Variants in TSEN54 observed in about 807,000 individuals in gnomAD.
TSEN54 encodes tRNA-splicing endonuclease subunit Sen54.
In TSEN54, 55 loss-of-function variants were observed where a neutral mutation model predicts 61.9. The observed-to-expected ratio is 0.89, with a 90% CI of 0.72 to 1.11. The LOEUF is 1.11. Among genes scored for constraint, TSEN54 ranks in the 50% most tolerant of loss-of-function variants. The probability of loss-of-function intolerance (pLI) is 0.00; values close to 1 mark genes in which losing one functional copy is unlikely to be tolerated. For synonymous variants in TSEN54, 304 were observed against 288.7 expected (o/e 1.05, Z -0.54); for missense variants, 760 against 687.7 (o/e 1.11, Z -1.18).
At position 75,521,391 on chromosome 17, in the gene TSEN54, G is replaced by A. The variant is rs747473621; in HGVS notation, c.522-18G>A. 14 of 1,610,630 alleles carry A rather than the reference G, an allele frequency of 8.7e-6. No homozygotes were observed. In the South Asian group the frequency reaches 9.9e-5, roughly 11 times the overall value. ...GAGGAGGTGGGTCAGTGGCCCACCC[G>A]CTGTTCTCACCCCACAGCTCTGTCC... is the stretch of plus-strand genomic sequence containing the variant. On this transcript the variant is annotated intron_variant, in intron 6 of 10. Coordinates refer to ENST00000333213, the MANE Select transcript of TSEN54 (RefSeq NM_207346.3).
rs1465349435 is a variant in TSEN54, at chr17:75,516,749, C to T, written c.60C>T (p.Ala20=). 6.4e-7 allele frequency: 1 copy of T among 1,570,864 alleles called. No individual in the cohort carries two copies. Among genetic ancestry groups the T allele is most frequent in the Non-Finnish European group, 8.6e-7 (1 of 1,167,214 alleles). ...VEVPAGRVLS[A]RELFAARSRS... ...CCCGCGTCCCCTTCTCCCCCAGCGC[C>T]CGGGAGCTCTTCGCCGCCCGCTCGC... Residue 20 remains alanine (A), a synonymous_variant, in exon 2 of 11, where the codon GCC becomes GCT. Coordinates refer to ENST00000333213, the MANE Select transcript of TSEN54 (RefSeq NM_207346.3).
At chr17:75,521,046 A>T (rs1049733885) in intron 6 of TSEN54, among the ~76,000 whole-genome samples, 1 of 152,276 alleles carries the variant, frequency 6.6e-6, no homozygotes, top group African/African-American at 2.4e-5. Context: ...ATTGAGTGAA[A>T]AAAAAGATCA....
chr17:75,519,176 G>A, intron 6 of TSEN54, 129 bp downstream of exon 6: 1 of 1,053,164 alleles, frequency 9.5e-7, no homozygotes, highest in Non-Finnish European at 1.5e-6. Flanking sequence ...GCACAGACTG[G>A]GGGCGCCTGC....
chr17:75,523,692 T>A lies in TSEN54; in HGVS notation c.1343T>A (p.Ile448Asn), dbSNP rs1448439456. 10 of 1,614,050 alleles carry A rather than the reference T, an allele frequency of 6.2e-6. No homozygotes were observed. Among genetic ancestry groups the A allele is most frequent in the Admixed American group, 3.3e-5 (2 of 59,998 alleles). ...RLLEKSGGLEIIFDVYQADAV... is the reference protein window; with the variant it reads ...RLLEKSGGLENIFDVYQADAV... ...TTGGAGAAGTCTGGGGGCTTGGAAA[T>A]CATCTTTGATGTTTACCAGGCCGAC... The change falls in exon 10 of 11, where the codon ATC becomes AAC. Residue 448 changes from isoleucine (I) to asparagine (N), a missense_variant. Transcript: ENST00000333213.
chr17:75,524,450 G>C lies in TSEN54; in HGVS notation c.*38G>C, dbSNP rs1315173914. ...GCAGAGGATGGAGCTTGCTCCGGGG[G>C]ACCGGGACTGTCTGTTCTCAGGGAC... On this transcript the variant is annotated 3_prime_UTR_variant, in exon 11 of 11. Coordinates refer to ENST00000333213, the MANE Select transcript of TSEN54 (RefSeq NM_207346.3). The C allele has an allele frequency of 1.9e-6, 3 of 1,612,854 alleles. No homozygotes were observed. Among genetic ancestry groups the C allele is most frequent in the Non-Finnish European group, 2.5e-6 (3 of 1,179,884 alleles).
At chr17:75,517,099 ACCGCC>A (rs1568000920) in intron 3 of TSEN54, 27 bp downstream of exon 3, 7 of 1,573,984 alleles carry the variant, frequency 4.4e-6, no homozygotes, top group Non-Finnish European at 6.0e-6. Context: ...GGGACCGGGG[ACCGCC>A]CTCCCTGCCC....
In TSEN54 at chr17:75,524,445, C is replaced by G. The variant is rs1128126; in HGVS notation, c.*33C>G. On this transcript the variant is annotated 3_prime_UTR_variant, in exon 11 of 11. Coordinates refer to ENST00000333213, the MANE Select transcript of TSEN54 (RefSeq NM_207346.3). ...GCTCTGCAGAGGATGGAGCTTGCTC[C>G]GGGGGACCGGGACTGTCTGTTCTCA... 6.2e-7 allele frequency: 1 copy of G among 1,613,278 alleles called. No homozygotes were observed. The highest frequency in any genetic ancestry group is 8.5e-7 in the Non-Finnish European group (1 of 1,179,912).
Position 75,516,807 on chromosome 17 carries a change from C to T in TSEN54, c.118C>T (p.Pro40Ser), listed in dbSNP as rs1041129965. The T allele has an allele frequency of 5.6e-6, 9 of 1,593,550 alleles. No individual in the cohort carries two copies. The African/African-American group carries it at 8.0e-5, about 14-fold the overall frequency. ...SQKLPQRSHG[P>S]KDFLPDGSAA... ...GAAGCTGCCCCAGCGCTCGCATGGC[C>T]CCAAGGACTTTCTGCCCGACGGCTC... Residue 40 changes from proline to serine, a missense_variant, in exon 2 of 11, where the codon CCC becomes TCC. Pro to Ser is a moderately conservative substitution (Grantham distance 74). Transcript: ENST00000333213.
chr17:75,517,028 G>T lies in TSEN54; in HGVS notation c.241G>T (p.Glu81Ter). 6.3e-7 allele frequency: 1 copy of T among 1,592,880 alleles called. No individual in the cohort carries two copies. Among genetic ancestry groups the T allele is most frequent in the East Asian group, 2.3e-5 (1 of 43,928 alleles). The change falls in exon 3 of 11, where the codon GAG becomes TAG. Residue 81 changes from glutamate (E) to a stop codon, truncating the protein, a stop_gained. Coordinates refer to ENST00000333213, the MANE Select transcript of TSEN54 (RefSeq NM_207346.3). LOFTEE classifies it high-confidence loss of function. ...CGCCAGGGGCAGCTTGGTGGCTGCCGAGTGGAGGCCAGAAGAGGGCTTCGT... is the reference window on the plus strand; with the variant it reads ...CGCCAGGGGCAGCTTGGTGGCTGCCTAGTGGAGGCCAGAAGAGGGCTTCGT... The part of the protein sequence containing the change: ...VERLGSLVAA[E>*]WRPEEGFVEL...
chr17:75,524,028 G>A (rs954524956), intron 10 of TSEN54, among the ~76,000 whole-genome samples: 1 of 152,180 alleles, frequency 6.6e-6, no homozygotes, highest in East Asian at 1.9e-4. Flanking sequence ...CCCAGCAGAA[G>A]GGATGTGGAT....
intron 6 of TSEN54, among the ~76,000 whole-genome samples, chr17:75,521,072 G>C (rs187893477): frequency 1.3e-5 from 2 of 152,174 alleles, no homozygotes; most frequent in African/African-American, 4.8e-5. Context: ...CAGTATGCTA[G>C]TACAATGACA....
intron 10 of TSEN54, 86 bp downstream of exon 10, chr17:75,523,865 C>A: frequency 6.9e-7 from 1 of 1,442,784 alleles, no homozygotes; most frequent in Non-Finnish European, 9.6e-7. Flanking sequence ...CTCCCCTGGC[C>A]AGCGTGCCAA....
intron 5 of TSEN54, chr17:75,518,380 A>G: frequency 3.6e-6 from 1 of 279,034 alleles, no homozygotes; most frequent in Non-Finnish European, 5.4e-6. Context: ...GGGGGCAGAT[A>G]AGAAGCAGAA....
At chr17:75,524,210 A>G (rs2053472945) in intron 10 of TSEN54, 52 bp from the exon 11 acceptor site, 2 of 1,612,340 alleles carry the variant, frequency 1.2e-6, no homozygotes, top group African/African-American at 1.3e-5. Context: ...GGAGCCCTAG[A>G]GCTTAGGAGT....
Position 75,524,395 on chromosome 17 carries a change from C to T in TSEN54, c.1564C>T (p.Gln522Ter), listed in dbSNP as rs370708679. The stretch of plus-strand genomic sequence containing the variant: ...CAGCTTCAGGGACTTCACGTTGCCC[C>T]AGGATGTGGGGCACTGACCTCACAG... ...FYSFRDFTLP[Q>*]DVGH Residue 522 changes from glutamine to a stop codon, truncating the protein, a stop_gained, in exon 11 of 11, where the codon CAG (glutamine) becomes TAG (stop). Transcript: ENST00000333213. LOFTEE classifies it high-confidence loss of function. 6.2e-7 allele frequency: 1 copy of T among 1,614,168 alleles called. No individual in the cohort carries two copies. The highest frequency in any genetic ancestry group is 8.5e-7 in the Non-Finnish European group (1 of 1,180,040).
At chr17:75,521,015 G>A (rs1165529142) in intron 6 of TSEN54, among the ~76,000 whole-genome samples, 1 of 151,910 alleles carries the variant, frequency 6.6e-6, no homozygotes, top group African/African-American at 2.4e-5. Context: ...TGCAGTGACG[G>A]GGCTGTGTCC....
chr17:75,517,670 C>G lies in TSEN54; in HGVS notation c.468+15C>G. On this transcript the variant is annotated intron_variant, in intron 5 of 10. Transcript: ENST00000333213. ...TGCAGTACCAGGTATCTGCCACCACCCCGCCTCCGGGAGCCACCCATCCAC... is the reference window on the plus strand; with the variant it reads ...TGCAGTACCAGGTATCTGCCACCACGCCGCCTCCGGGAGCCACCCATCCAC... 6.2e-7 allele frequency: 1 copy of G among 1,608,882 alleles called. No homozygotes were observed. Among genetic ancestry groups the G allele is most frequent in the Non-Finnish European group, 8.5e-7 (1 of 1,176,088 alleles).
At chr17:75,522,568 T>G in intron 8 of TSEN54, 1 of 1,413,274 alleles carries the variant, frequency 7.1e-7, no homozygotes, top group Non-Finnish European at 9.2e-7. Context: ...ACCATATCCT[T>G]AAAAAGATAA....
At position 75,516,822 on chromosome 17, in the gene TSEN54, C is replaced by T; in HGVS notation, c.133C>T (p.Pro45Ser). Residue 45 changes from proline (P) to serine (S), a missense_variant, in exon 2 of 11, where the codon CCC becomes TCC. Transcript: ENST00000333213. ...CTCGCATGGCCCCAAGGACTTTCTG[C>T]CCGACGGCTCGGCAGCTCAGGCCGA... Reference protein sequence around the residue: ...QRSHGPKDFLPDGSAAQAERL... With the variant: ...QRSHGPKDFLSDGSAAQAERL... 6.3e-7 allele frequency: 1 copy of T among 1,592,138 alleles called. No individual in the cohort carries two copies.
Sources: allele counts gnomAD v4.1 joint callset (sites outside exome capture counted in the v4.1 genomes callset), GRCh38; gene constraint gnomAD v4.1.1; transcripts MANE v1.5; gene names NCBI Gene and HGNC (gene_info 2026-07-23, HGNC 2026-07-21).